FSTL5: variants seen among roughly 807,000 people sequenced by gnomAD.
FSTL5 encodes the protein follistatin like 5.
FSTL5 carries 62 observed loss-of-function variants against 89.1 expected under a neutral mutation model. That is an observed-to-expected ratio of 0.70 (90% CI 0.57 to 0.86). FSTL5 has a LOEUF of 0.86. Ranked by LOEUF, FSTL5 falls within the 40% of genes least tolerant of loss-of-function variation. The pLI is 0.00. For missense variants in FSTL5, 1,057 were observed against 1,001.6 expected (o/e 1.06, Z -0.75); for synonymous variants, 383 against 346.2 (o/e 1.11, Z -1.18).
intron 7 of FSTL5, among the ~76,000 whole-genome samples, chr4:161,629,473 G>C (rs1735426773): frequency 6.6e-6 from 1 of 151,964 alleles, no homozygotes; most frequent in African/African-American, 2.4e-5. Flanking sequence ...CTCCCTGGTA[G>C]CTGGGATTAC....
chr4:161,535,470 T>G (rs999065461), intron 10 of FSTL5, among the ~76,000 whole-genome samples: 2 of 151,998 alleles, frequency 1.3e-5, no homozygotes, highest in African/African-American at 4.8e-5. Flanking sequence ...AGCAAACATA[T>G]GAAAAATGCT....
Position 161,385,757 on chromosome 4 carries a change from C to G in FSTL5, c.2534G>C (p.Gly845Ala), listed in dbSNP as rs148257997. The change falls in exon 16 of 16, where the codon GGA (glycine) becomes GCA (alanine). Residue 845 changes from glycine (G) to alanine (A), a missense_variant. By Grantham distance (60) the Gly-to-Ala change is moderately conservative. This residue lies in a region of FSTL5 where 68 missense variants were observed against 73.3 expected (regional missense o/e 0.93). Transcript: ENST00000306100. The stretch of plus-strand genomic sequence containing the variant: ...TGTATCGTAGGGTTTTTAGGCATCT[C>G]CAACCCAAATGACTGTATTTCCTTT... ...VEKGNTVIWV[G>A]DA 2 of 1,593,362 alleles carry G rather than the reference C, an allele frequency of 1.3e-6. No individual in the cohort carries two copies. The highest frequency in any genetic ancestry group is 2.7e-5 in the African/African-American group (2 of 74,218).
intron 3 of FSTL5, among the ~76,000 whole-genome samples, chr4:161,943,181 C>CT (rs1415607000): frequency 1.3e-5 from 2 of 151,878 alleles, no homozygotes; most frequent in East Asian, 3.9e-4. Context: ...ATCAAATTAC[C>CT]TATCAAAATG....
chr4:162,114,529 GACACAC>G (rs9308041), intron 1 of FSTL5, among the ~76,000 whole-genome samples: 9,065 of 149,054 alleles, frequency 0.061, 463 homozygotes, highest in African/African-American at 0.14. Context: ...TTTGTGTGTG[GACACAC>G]ACACACACAC....
At chr4:161,913,897 C>T (rs1302871970) in intron 4 of FSTL5, among the ~76,000 whole-genome samples, 2 of 152,124 alleles carry the variant, frequency 1.3e-5, no homozygotes, top group African/African-American at 2.4e-5. Flanking sequence ...TTTACAGGCT[C>T]ATAGGTGGAA....
chr4:161,467,587 C>T (rs1037415815), intron 13 of FSTL5, among the ~76,000 whole-genome samples: 6 of 152,004 alleles, frequency 3.9e-5, no homozygotes, highest in African/African-American at 1.4e-4. Flanking sequence ...TCGGGAAAAA[C>T]CTCAAGAGGA....
intron 2 of FSTL5, among the ~76,000 whole-genome samples, chr4:162,048,979 G>A (rs1249091565): frequency 1.3e-5 from 2 of 152,100 alleles, no homozygotes; most frequent in African/African-American, 4.8e-5. Context: ...TGAGATGTTG[G>A]CATAATGCTA....
intron 4 of FSTL5, among the ~76,000 whole-genome samples, chr4:161,867,338 C>T (rs561994776): frequency 6.6e-6 from 1 of 151,940 alleles, no homozygotes; most frequent in South Asian, 2.1e-4. Flanking sequence ...TTTAATTTAT[C>T]AGTATCTCAA....
At chr4:161,749,568 C>T (rs907234538) in intron 6 of FSTL5, among the ~76,000 whole-genome samples, 7 of 152,026 alleles carry the variant, frequency 4.6e-5, no homozygotes, top group Non-Finnish European at 7.4e-5. Context: ...GAGGCTGAGG[C>T]GGGCGGATCC....
At chr4:161,643,270 G>A (rs535747632) in intron 7 of FSTL5, among the ~76,000 whole-genome samples, 1 of 152,220 alleles carries the variant, frequency 6.6e-6, no homozygotes, top group South Asian at 2.1e-4. Context: ...GAACTTCACT[G>A]AATGTACCTT....
intron 4 of FSTL5, among the ~76,000 whole-genome samples, chr4:161,824,003 G>A (rs1267581260): frequency 2.0e-5 from 3 of 152,104 alleles, no homozygotes; most frequent in Admixed American, 1.3e-4. Flanking sequence ...CTGGGCAGAA[G>A]GTTTTTATTT....
chr4:161,617,451 T>C (rs1047510030), intron 7 of FSTL5, among the ~76,000 whole-genome samples: 4 of 151,912 alleles, frequency 2.6e-5, no homozygotes, highest in East Asian at 3.9e-4. Context: ...AAAGATAAAA[T>C]AGAGATAGAA....
intron 8 of FSTL5, 33 bp downstream of exon 8, chr4:161,587,422 T>C (rs1170107928): frequency 1.9e-6 from 3 of 1,607,398 alleles, no homozygotes; most frequent in Non-Finnish European, 1.7e-6. Flanking sequence ...TGGTGTTCTT[T>C]GAATAGTTAG....
intron 1 of FSTL5, among the ~76,000 whole-genome samples, chr4:162,153,509 T>A (rs1359007973): frequency 3.3e-5 from 5 of 150,396 alleles, no homozygotes; most frequent in African/African-American, 1.2e-4. Context: ...TTGCTACCCA[T>A]CCCCAGCACC....
At chr4:162,005,944 G>T (rs1437127179) in intron 3 of FSTL5, among the ~76,000 whole-genome samples, 1 of 151,984 alleles carries the variant, frequency 6.6e-6, no homozygotes, top group African/African-American at 2.4e-5. Flanking sequence ...TCCATCAATT[G>T]TGCTGTTTTT....
At chr4:161,648,715 G>T (rs1017573228) in intron 7 of FSTL5, among the ~76,000 whole-genome samples, 1 of 151,984 alleles carries the variant, frequency 6.6e-6, no homozygotes, top group Non-Finnish European at 1.5e-5. Context: ...AAAATTGCTA[G>T]TGCCCCTCCT....
chr4:161,766,487 T>C (rs1350701155), intron 5 of FSTL5, among the ~76,000 whole-genome samples: 3 of 152,212 alleles, frequency 2.0e-5, no homozygotes, highest in African/African-American at 7.2e-5. Context: ...TTTATTTCTG[T>C]GACCCAGTGA....
intron 10 of FSTL5, among the ~76,000 whole-genome samples, chr4:161,512,192 T>C (rs940361903): frequency 1.3e-5 from 2 of 152,122 alleles, no homozygotes; most frequent in African/African-American, 4.8e-5. Flanking sequence ...TAAATCTTTC[T>C]CTGGCCTATA....
At chr4:161,807,295 G>A (rs1730000436) in intron 4 of FSTL5, among the ~76,000 whole-genome samples, 1 of 151,766 alleles carries the variant, frequency 6.6e-6, no homozygotes, top group Admixed American at 6.6e-5. Context: ...CAAACTCCTG[G>A]GCTCAAGCAA....
Sources: allele counts gnomAD v4.1 joint callset (sites outside exome capture counted in the v4.1 genomes callset), GRCh38; gene constraint gnomAD v4.1.1; regional missense constraint gnomAD v4.1.1; transcripts MANE v1.5; gene names NCBI Gene and HGNC (gene_info 2026-07-23, HGNC 2026-07-21).